ANKRD11: variants seen among roughly 807,000 people sequenced by gnomAD.
The protein encoded by ANKRD11 is ankyrin repeat domain-containing protein 11.
In ANKRD11, 17 loss-of-function variants were observed where a neutral mutation model predicts 195.7. The observed-to-expected ratio is 0.09, with a 90% CI of 0.06 to 0.13. The LOEUF is 0.13. Ranked by LOEUF, ANKRD11 falls within the 10% of genes least tolerant of loss-of-function variation. The probability of loss-of-function intolerance (pLI) is 1.00; values close to 1 mark genes in which losing one functional copy is unlikely to be tolerated. For missense variants in ANKRD11, 3,735 were observed against 3,566.1 expected (o/e 1.05, Z -1.21); for synonymous variants, 1,953 against 1,528.1 (o/e 1.28, Z -6.49).
At chr16:89,411,689 C>A (rs540744484) in intron 2 of ANKRD11, among the ~76,000 whole-genome samples, 1 of 152,086 alleles carries the variant, frequency 6.6e-6, no homozygotes, top group Non-Finnish European at 1.5e-5. Flanking sequence ...GCTGGGATTA[C>A]GGCCAGTTTA....
At chr16:89,436,378 G>A (rs2043216418) in intron 1 of ANKRD11, among the ~76,000 whole-genome samples, 1 of 151,640 alleles carries the variant, frequency 6.6e-6, no homozygotes, top group South Asian at 2.1e-4. Flanking sequence ...TCATGCCACT[G>A]CACTCCAGCC....
chr16:89,396,158 G>A (rs1287840924), intron 2 of ANKRD11: 1 of 152,202 alleles, frequency 6.6e-6, no homozygotes, highest in Non-Finnish European at 1.5e-5. Context: ...TAAGAATTTT[G>A]GAAAACTCCA....
intron 1 of ANKRD11, among the ~76,000 whole-genome samples, chr16:89,424,754 G>A (rs753273388): frequency 7.2e-5 from 11 of 152,164 alleles, no homozygotes; most frequent in Non-Finnish European, 1.2e-4. Flanking sequence ...GCTGGAAGGG[G>A]CAAATGTGGC....
chr16:89,364,935 C>G (rs1288205838), intron 2 of ANKRD11, among the ~76,000 whole-genome samples: 1 of 152,212 alleles, frequency 6.6e-6, no homozygotes, highest in East Asian at 1.9e-4. Context: ...TCATTTCTTA[C>G]AAAGCCAAAT....
At chr16:89,352,134 G>A (rs1319314666) in intron 2 of ANKRD11, among the ~76,000 whole-genome samples, 2 of 152,004 alleles carry the variant, frequency 1.3e-5, no homozygotes, top group Admixed American at 6.5e-5. Context: ...CAAGTGATCC[G>A]CCTGCCTCAG....
intron 1 of ANKRD11, among the ~76,000 whole-genome samples, chr16:89,457,021 G>A (rs867214300): frequency 3.4e-5 from 5 of 148,374 alleles, no homozygotes; most frequent in South Asian, 2.2e-4. Flanking sequence ...GTGCAGTGGC[G>A]CAATCTCGGC....
intron 1 of ANKRD11, among the ~76,000 whole-genome samples, chr16:89,483,507 C>T (rs919666051): frequency 3.3e-5 from 5 of 152,204 alleles, no homozygotes; most frequent in African/African-American, 4.8e-5. Context: ...AGATACCTCT[C>T]GCATGTGTCA....
intron 1 of ANKRD11, among the ~76,000 whole-genome samples, chr16:89,442,105 G>C (rs772494646): frequency 6.6e-6 from 1 of 152,242 alleles, no homozygotes; most frequent in African/African-American, 2.4e-5. Flanking sequence ...TCTGTGCACA[G>C]TGAGCAGTTG....
chr16:89,356,956 G>T (rs2039512285), intron 2 of ANKRD11, among the ~76,000 whole-genome samples: 1 of 152,228 alleles, frequency 6.6e-6, no homozygotes, highest in Non-Finnish European at 1.5e-5. Context: ...GCTCCCAAGT[G>T]ACCTGTGACC....
At position 89,388,756 on chromosome 16, in the gene ANKRD11, T is replaced by C. The variant is rs184909870; in HGVS notation, c.-60+29528A>G. 7.9e-5 allele frequency among the ~76,000 whole-genome samples: 12 copies of C among 152,088 alleles called. No individual in the cohort carries two copies. In the East Asian group the frequency reaches 2.3e-3, roughly 29 times the overall value. On this transcript the variant is annotated intron_variant, in intron 2 of 12. Coordinates refer to ENST00000301030, the MANE Select transcript of ANKRD11 (RefSeq NM_013275.6). ...CCGGGCTCACACAGGTCTGGAATGG[T>C]GCCACTGCCCAGCCAGATCCCTGTC...
rs551686803 is a variant in ANKRD11 at position 89,282,448 on chromosome 16, C to T, written c.4094G>A (p.Arg1365Gln). Reference sequence around the variant, plus strand: ...CTTCTCGGCCTTCTCTTTCTTGGCTCGCTCTCGGTCGTGGCTCTTCTTGGA... The same window carrying T: ...CTTCTCGGCCTTCTCTTTCTTGGCTTGCTCTCGGTCGTGGCTCTTCTTGGA... ...SSSKKSHDRE[R>Q]AKKEKAEKKE... The change falls in exon 9 of 13, where the codon CGA becomes CAA. Residue 1365 changes from arginine (R) to glutamine (Q), a missense_variant. Transcript: ENST00000301030. 5 of 1,614,092 alleles carry T rather than the reference C, an allele frequency of 3.1e-6. No homozygotes were observed. Among genetic ancestry groups the T allele is most frequent in the South Asian group, 2.2e-5 (2 of 91,070 alleles).
Position 89,314,472 on chromosome 16 carries a change from G to A in ANKRD11, c.87+2461C>T, listed in dbSNP as rs935559390. ...CAGCTGAGCGCACACATCAGCGCTG[G>A]GGCTGCCGGCAAATCAGGACACCCT... On this transcript the variant is annotated intron_variant, in intron 3 of 12. Coordinates refer to ENST00000301030, the MANE Select transcript of ANKRD11 (RefSeq NM_013275.6). 2.0e-5 allele frequency among the ~76,000 whole-genome samples: 3 copies of A among 152,098 alleles called. 1 individual carries two copies. Among genetic ancestry groups the A allele is most frequent in the South Asian group, 4.2e-4 (2 of 4,810 alleles).
At chr16:89,447,983 T>G (rs2152309326) in intron 1 of ANKRD11, among the ~76,000 whole-genome samples, 1 of 152,026 alleles carries the variant, frequency 6.6e-6, no homozygotes, top group South Asian at 2.1e-4. Flanking sequence ...TTTTGTATTT[T>G]TAGTAGAGAC....
At chr16:89,288,422 T>A (rs1166674334) in intron 7 of ANKRD11, 106 bp downstream of exon 7, 2 of 1,563,326 alleles carry the variant, frequency 1.3e-6, no homozygotes, top group East Asian at 2.3e-5. Flanking sequence ...AAACTCGCTT[T>A]CCTGTGCCCC....
chr16:89,473,101 G>T (rs1346756179), intron 1 of ANKRD11, among the ~76,000 whole-genome samples: 2 of 151,732 alleles, frequency 1.3e-5, no homozygotes, highest in Non-Finnish European at 2.9e-5. Context: ...CTTGGCTTGA[G>T]CCCAGGAGGT....
In ANKRD11 at chr16:89,333,876, C is replaced by T. The variant is rs117868575; in HGVS notation, c.-59-16798G>A. Among the ~76,000 whole-genome samples the T allele has an allele frequency of 2.2e-4, 34 of 152,184 alleles. 1 individual carries two copies. The East Asian group carries it at 3.7e-3, about 16-fold the overall frequency. On this transcript the variant is annotated intron_variant, in intron 2 of 12. Coordinates refer to ENST00000301030, the MANE Select transcript of ANKRD11 (RefSeq NM_013275.6). ...CGGTATTATTCTGTGAGTATGTTCC[C>T]AGTATGTGGGCGTGTGTTGTGAACA...
At chr16:89,414,975 C>G (rs1370019179) in intron 2 of ANKRD11, among the ~76,000 whole-genome samples, 1 of 152,176 alleles carries the variant, frequency 6.6e-6, no homozygotes, top group Non-Finnish European at 1.5e-5. Flanking sequence ...GACAGGGTCT[C>G]ACCCTGCGGC....
At chr16:89,395,485 C>T (rs905752233) in intron 2 of ANKRD11, among the ~76,000 whole-genome samples, 1 of 152,208 alleles carries the variant, frequency 6.6e-6, no homozygotes, top group Non-Finnish European at 1.5e-5. Flanking sequence ...TGTGAGCATG[C>T]GCCCAGGAAC....
chr16:89,482,599 G>A (rs1212331082), intron 1 of ANKRD11, among the ~76,000 whole-genome samples: 1 of 152,162 alleles, frequency 6.6e-6, no homozygotes, highest in Admixed American at 6.6e-5. Context: ...GCAGTGCTCG[G>A]GTGGGCCCAA....
Sources: allele counts gnomAD v4.1 joint callset (sites outside exome capture counted in the v4.1 genomes callset), GRCh38; gene constraint gnomAD v4.1.1; transcripts MANE v1.5; gene names NCBI Gene and HGNC (gene_info 2026-07-23, HGNC 2026-07-21).